Variants in COL4A2 observed in about 807,000 individuals in gnomAD.
The protein encoded by COL4A2 is collagen alpha-2(IV) chain.
A neutral mutation model predicts 200.2 loss-of-function variants in COL4A2; 99 were observed. The observed-to-expected ratio is 0.49, with a 90% CI of 0.42 to 0.58. The LOEUF is 0.58. COL4A2 is among the 20% of genes least tolerant of loss of function. The probability of loss-of-function intolerance (pLI) is 0.00; values close to 1 mark genes in which losing one functional copy is unlikely to be tolerated. For missense variants in COL4A2, 1,950 were observed against 2,314.1 expected (o/e 0.84, Z 3.23); for synonymous variants, 897 against 900.6 (o/e 1.00, Z 0.07).
chr13:110,444,733 A>C (rs982179362), intron 16 of COL4A2, among the ~76,000 whole-genome samples: 1 of 152,242 alleles, frequency 6.6e-6, no homozygotes, highest in African/African-American at 2.4e-5. Context: ...GAGGGAATAC[A>C]TTGCTAGATT....
chr13:110,405,885 T>C (rs1428648738), intron 4 of COL4A2, among the ~76,000 whole-genome samples: 1 of 152,026 alleles, frequency 6.6e-6, no homozygotes, highest in East Asian at 1.9e-4. Flanking sequence ...ATTTTTGGGG[T>C]CTCTGGGAAT....
chr13:110,462,339 A>G lies in COL4A2; in HGVS notation c.1731A>G (p.Pro577=). ...VPGMKGDDGS[P]GRDGLDGFPG... ...GGATGAAAGGTGACGATGGCAGCCC[A>G]GGCCGCGATGGGCTCGATGGATTCC... Residue 577 remains proline (P), a synonymous_variant, in exon 24 of 48, where the codon CCA becomes CCG. Coordinates refer to ENST00000360467, the MANE Select transcript of COL4A2 (RefSeq NM_001846.4). The G allele has an allele frequency of 1.9e-6, 3 of 1,614,070 alleles. No homozygotes were observed. The highest frequency in any genetic ancestry group is 2.5e-6 in the Non-Finnish European group (3 of 1,180,040).
At chr13:110,470,575 C>T (rs1429414706) in intron 28 of COL4A2, among the ~76,000 whole-genome samples, 1 of 152,174 alleles carries the variant, frequency 6.6e-6, no homozygotes, top group Non-Finnish European at 1.5e-5. Flanking sequence ...CGTTCCATGC[C>T]CTTGGAATTC....
chr13:110,459,096 G>GACCACCGA, intron 22 of COL4A2, 162 bp downstream of exon 22: 1 of 662,232 alleles, frequency 1.5e-6, no homozygotes, highest in Non-Finnish European at 2.3e-6. Context: ...ACCCCAAGGC[G>GACCACCGA]GACTTTCTAC....
At chr13:110,405,971 T>C (rs1217816214) in intron 4 of COL4A2, among the ~76,000 whole-genome samples, 2 of 152,172 alleles carry the variant, frequency 1.3e-5, no homozygotes, top group Non-Finnish European at 2.9e-5. Context: ...TTCTGATGAA[T>C]CCCGATCGGG....
chr13:110,458,344 T>C (rs1881862699), intron 21 of COL4A2: 1 of 338,812 alleles, frequency 3.0e-6, no homozygotes, highest in Non-Finnish European at 5.9e-6. Flanking sequence ...CCTATGACCT[T>C]TCATGACCTT....
At chr13:110,359,081 G>A (rs1323520458) in intron 4 of COL4A2, among the ~76,000 whole-genome samples, 3 of 152,184 alleles carry the variant, frequency 2.0e-5, no homozygotes, top group Admixed American at 6.5e-5. Context: ...GGGAGCACTG[G>A]CAGTTGTATC....
intron 4 of COL4A2, among the ~76,000 whole-genome samples, chr13:110,412,048 C>CTA (rs1410607050): frequency 3.3e-5 from 5 of 152,212 alleles, no homozygotes; most frequent in African/African-American, 1.2e-4. Flanking sequence ...GGGGTCAAAG[C>CTA]TAATAACCTG....
In COL4A2 at chr13:110,351,214, A is replaced by AATTT. The variant is rs1555322822; in HGVS notation, c.100-6258_100-6257insATTT. ...CAGGCGTGCACCACCACACCCAGCT[A>AATTT]TTCTTTTTGTTTGTTTGTTTGTTTG... On this transcript the variant is annotated intron_variant, in intron 3 of 47. Transcript: ENST00000360467. Among the ~76,000 whole-genome samples the AATTT allele has an allele frequency of 1.1e-4, 8 of 73,444 alleles. 1 individual carries two copies. The African/African-American group carries it at 1.2e-3, about 11-fold the overall frequency. 48.2% of individuals were successfully genotyped at this position (73,444 alleles called of 152,430 possible).
intron 3 of COL4A2, among the ~76,000 whole-genome samples, chr13:110,310,635 A>G (rs1884950823): frequency 1.3e-5 from 2 of 152,136 alleles, no homozygotes; most frequent in Admixed American, 6.5e-5. Context: ...TCAATTTTCA[A>G]CTGTATTGAT....
intron 4 of COL4A2, among the ~76,000 whole-genome samples, chr13:110,402,802 A>T (rs1034241770): frequency 6.6e-6 from 1 of 152,218 alleles, no homozygotes; most frequent in Non-Finnish European, 1.5e-5. Flanking sequence ...TGGTCACAGA[A>T]GTTCTCCAGG....
intron 3 of COL4A2, among the ~76,000 whole-genome samples, chr13:110,346,613 T>C (rs4771664): frequency 0.79 from 119,823 of 151,968 alleles, 47,887 homozygotes; most frequent in East Asian, 0.96. Context: ...GTGGCTCCAG[T>C]GCTCTGCTGT....
At chr13:110,385,596 A>AGGCCGTGGCTG (rs1566505180) in intron 4 of COL4A2, among the ~76,000 whole-genome samples, 1 of 39,526 alleles carries the variant, frequency 2.5e-5, no homozygotes, top group Admixed American at 2.2e-4. Context: ...GGCCGTGGTT[A>AGGCCGTGGCTG]CAGTGTGTGG....
At chr13:110,504,020 C>G (rs757548918) in intron 44 of COL4A2, 27 bp downstream of exon 44, 36 of 1,550,056 alleles carry the variant, frequency 2.3e-5, no homozygotes, top group African/African-American at 5.5e-5. Flanking sequence ...GGGCCTGGAG[C>G]CCCTCGGGGC....
At chr13:110,501,552 C>T (rs1187075408) in intron 40 of COL4A2, 116 bp from the exon 41 acceptor site, 2 of 918,686 alleles carry the variant, frequency 2.2e-6, no homozygotes, top group Non-Finnish European at 3.4e-6. Context: ...CACCTCCCAT[C>T]ACTGTCTCGC....
At chr13:110,409,216 C>A (rs1482722976) in intron 4 of COL4A2, among the ~76,000 whole-genome samples, 1 of 152,152 alleles carries the variant, frequency 6.6e-6, no homozygotes, top group East Asian at 1.9e-4. Flanking sequence ...CATATACACA[C>A]ATTCTTGCAC....
chr13:110,440,962 C>T (rs1218348447), intron 16 of COL4A2, among the ~76,000 whole-genome samples: 2 of 152,240 alleles, frequency 1.3e-5, no homozygotes, highest in Non-Finnish European at 2.9e-5. Context: ...TACACATCTG[C>T]CTCGTTCTTT....
rs1884115971 is a variant in COL4A2, at chr13:110,512,326, A to G, written c.*135A>G. The G allele has an allele frequency of 3.6e-6, 5 of 1,379,022 alleles. No homozygotes were observed. Among genetic ancestry groups the G allele is most frequent in the Non-Finnish European group, 4.8e-6 (5 of 1,050,156 alleles). The allele number at this position is 1,379,022 out of a possible 1,614,324, so 85.4% of individuals were successfully genotyped here. A position where few individuals can be genotyped will look rare whatever the true frequency, so the allele number is the denominator to read the frequency against. Reference sequence around the variant, plus strand: ...AAAGGAATTTGCATCCAGCAGCAGCACTTAGACCTGCCAGCCACTGTCACC... The same window carrying G: ...AAAGGAATTTGCATCCAGCAGCAGCGCTTAGACCTGCCAGCCACTGTCACC... On this transcript the variant is annotated 3_prime_UTR_variant, in exon 48 of 48. Coordinates refer to ENST00000360467, the MANE Select transcript of COL4A2 (RefSeq NM_001846.4).
At chr13:110,340,149 A>G (rs1407599774) in intron 3 of COL4A2, among the ~76,000 whole-genome samples, 1 of 152,024 alleles carries the variant, frequency 6.6e-6, no homozygotes, top group African/African-American at 2.4e-5. Context: ...TTTCAGATGT[A>G]GTCTTGTTCT....
Sources: gnomAD v4.1 joint callset for allele counts (sites outside exome capture counted in the v4.1 genomes callset) on GRCh38, gnomAD v4.1.1 for gene constraint, MANE v1.5 for transcripts, NCBI Gene and HGNC (gene_info 2026-07-23, HGNC 2026-07-21) for gene names.